The following NRG3 variants were observed in gnomAD, a reference collection of about 807,000 sequenced individuals.
The protein encoded by NRG3 is pro-neuregulin-3, membrane-bound isoform.
In NRG3, 31 loss-of-function variants were observed where a neutral mutation model predicts 66.9. That is an observed-to-expected ratio of 0.46 (90% CI 0.35 to 0.63). NRG3 has a LOEUF of 0.63. Ranked by LOEUF, NRG3 falls within the 20% of genes least tolerant of loss-of-function variation. The probability of loss-of-function intolerance (pLI) is 0.00; values close to 1 mark genes in which losing one functional copy is unlikely to be tolerated. For synonymous variants in NRG3, 393 were observed against 359.4 expected (o/e 1.09, Z -1.06); for missense variants, 910 against 878.9 (o/e 1.04, Z -0.45).
chr10:82,054,816 G>A (rs1040330354), intron 1 of NRG3, among the ~76,000 whole-genome samples: 1 of 152,006 alleles, frequency 6.6e-6, no homozygotes, highest in Non-Finnish European at 1.5e-5. Context: ...GACCAGCCTA[G>A]GAAATACAGT....
At chr10:82,444,188 C>T (rs1020166244) in intron 2 of NRG3, among the ~76,000 whole-genome samples, 3 of 152,168 alleles carry the variant, frequency 2.0e-5, no homozygotes, top group Non-Finnish European at 2.9e-5. Flanking sequence ...CTGTAACCTC[C>T]GCCTTTTGGG....
rs551102145 is a variant in NRG3 at position 82,735,282 on chromosome 10, C to T, written c.954-3295C>T. On this transcript the variant is annotated intron_variant, in intron 2 of 8. Transcript: ENST00000372141. ...CTGTGCTTCCTCTCCTGAGCATGCT[C>T]CTTGTTTTGTAAAACAACTGGGGAA... is the stretch of plus-strand genomic sequence containing the variant. Among the ~76,000 whole-genome samples, 4 of 152,192 alleles carry T rather than the reference C, an allele frequency of 2.6e-5. No homozygotes were observed. The East Asian group carries it at 5.8e-4, about 22-fold the overall frequency.
intron 1 of NRG3, among the ~76,000 whole-genome samples, chr10:82,043,612 C>A (rs2063138116): frequency 6.6e-6 from 1 of 151,952 alleles, no homozygotes; most frequent in African/African-American, 2.4e-5. Context: ...GGAGAATCAT[C>A]CTGTCACCTC....
intron 6 of NRG3, among the ~76,000 whole-genome samples, chr10:82,961,592 C>G (rs1023290205): frequency 1.3e-5 from 2 of 152,190 alleles, no homozygotes; most frequent in African/African-American, 4.8e-5. Flanking sequence ...TTGGCAAAGT[C>G]TGAAGACACT....
chr10:82,674,667 T>C (rs545982885), intron 2 of NRG3, among the ~76,000 whole-genome samples: 13 of 152,220 alleles, frequency 8.5e-5, no homozygotes, highest in Non-Finnish European at 1.3e-4. Flanking sequence ...GGAGCATCAG[T>C]TTCCAGGGAA....
intron 4 of NRG3, among the ~76,000 whole-genome samples, chr10:82,911,920 T>G (rs1443693175): frequency 6.6e-6 from 1 of 152,056 alleles, no homozygotes; most frequent in Non-Finnish European, 1.5e-5. Context: ...TTGCACAAAT[T>G]TTGATGAGTT....
chr10:82,710,088 C>G (rs1476947430), intron 2 of NRG3, among the ~76,000 whole-genome samples: 1 of 152,130 alleles, frequency 6.6e-6, no homozygotes, highest in Non-Finnish European at 1.5e-5. Flanking sequence ...GCCATTTTGG[C>G]TGCTTCCAAT....
At chr10:82,935,702 A>G (rs1170847964) in intron 4 of NRG3, among the ~76,000 whole-genome samples, 1 of 152,076 alleles carries the variant, frequency 6.6e-6, no homozygotes, top group Non-Finnish European at 1.5e-5. Flanking sequence ...CAGCTAACTG[A>G]AACCTCTGCC....
At chr10:82,066,239 C>T (rs1411371004) in intron 1 of NRG3, among the ~76,000 whole-genome samples, 1 of 151,070 alleles carries the variant, frequency 6.6e-6, no homozygotes, top group Non-Finnish European at 1.5e-5. Context: ...ATTCTTAGTA[C>T]AAGAATGTGT....
At chr10:82,219,073 C>T (rs2075817885) in intron 1 of NRG3, among the ~76,000 whole-genome samples, 1 of 151,830 alleles carries the variant, frequency 6.6e-6, no homozygotes, top group South Asian at 2.1e-4. Flanking sequence ...AAAACAGAAA[C>T]ATTGTCCTGT....
chr10:82,220,107 C>A (rs1487350259), intron 1 of NRG3, among the ~76,000 whole-genome samples: 2 of 151,720 alleles, frequency 1.3e-5, no homozygotes, highest in Admixed American at 6.6e-5. Flanking sequence ...GTGAGATAAT[C>A]ATTTTGCTGT....
intron 2 of NRG3, among the ~76,000 whole-genome samples, chr10:82,431,428 G>A (rs1180498815): frequency 6.6e-6 from 1 of 152,108 alleles, no homozygotes; most frequent in African/African-American, 2.4e-5. Flanking sequence ...ATGCCATAAA[G>A]CTCACTGTTC....
chr10:82,323,295 A>G (rs1345027511), intron 1 of NRG3, among the ~76,000 whole-genome samples: 5 of 152,184 alleles, frequency 3.3e-5, no homozygotes, highest in Non-Finnish European at 5.9e-5. Flanking sequence ...TTATACATCA[A>G]AACTGCTTCA....
At chr10:82,175,342 A>C (rs1429925301) in intron 1 of NRG3, among the ~76,000 whole-genome samples, 3 of 152,168 alleles carry the variant, frequency 2.0e-5, no homozygotes, top group African/African-American at 4.8e-5. Flanking sequence ...TAAAGGCTCA[A>C]GAGTGCCCTC....
At chr10:82,239,501 AT>A (rs926221738) in intron 1 of NRG3, among the ~76,000 whole-genome samples, 1 of 151,768 alleles carries the variant, frequency 6.6e-6, no homozygotes, top group African/African-American at 2.4e-5. Flanking sequence ...CTTTACAACC[AT>A]TTTTTTTGCC....
chr10:82,731,766 T>G (rs995940021), intron 2 of NRG3, among the ~76,000 whole-genome samples: 2 of 152,180 alleles, frequency 1.3e-5, no homozygotes, highest in African/African-American at 4.8e-5. Flanking sequence ...ACATACTAAT[T>G]TTATTTCCTT....
chr10:82,189,462 C>T (rs546012519), intron 1 of NRG3, among the ~76,000 whole-genome samples: 1 of 151,916 alleles, frequency 6.6e-6, no homozygotes, highest in South Asian at 2.1e-4. Context: ...TGCAAACCAG[C>T]CTGGCCAACA....
At position 82,490,036 on chromosome 10, in the gene NRG3, A is replaced by G. The variant is rs1009100922; in HGVS notation, c.953+131168A>G. Among the ~76,000 whole-genome samples the G allele has an allele frequency of 5.3e-5, 8 of 152,334 alleles. No individual in the cohort carries two copies. The South Asian group carries it at 6.2e-4, about 12-fold the overall frequency. On this transcript the variant is annotated intron_variant, in intron 2 of 8. Coordinates refer to ENST00000372141, the MANE Select transcript of NRG3 (RefSeq NM_001010848.4). Reference sequence around the variant, plus strand: ...TGAGGTCATAAAACTATTAAGTGCCAGAACCAGGTTTTACTGCCAGTCTAT... The same window carrying G: ...TGAGGTCATAAAACTATTAAGTGCCGGAACCAGGTTTTACTGCCAGTCTAT...
intron 2 of NRG3, among the ~76,000 whole-genome samples, chr10:82,363,277 T>G (rs2084304145): frequency 6.6e-6 from 1 of 152,076 alleles, no homozygotes; most frequent in Admixed American, 6.5e-5. Context: ...AAATTAGGTG[T>G]TTTTTTCCTA....
Sources: gnomAD v4.1 joint callset for allele counts (sites outside exome capture counted in the v4.1 genomes callset) on GRCh38, gnomAD v4.1.1 for gene constraint, MANE v1.5 for transcripts, NCBI Gene and HGNC (gene_info 2026-07-23, HGNC 2026-07-21) for gene names.